The following VDAC1 variants were observed in gnomAD, a reference collection of about 807,000 sequenced individuals.
VDAC1 encodes the protein non-selective voltage-gated ion channel VDAC1.
VDAC1 carries 10 observed loss-of-function variants against 34.7 expected under a neutral mutation model. The observed-to-expected ratio is 0.29, with a 90% CI of 0.18 to 0.49. VDAC1 has a LOEUF of 0.49. Among genes scored for constraint, VDAC1 ranks in the 20% least tolerant of loss-of-function variants. VDAC1 has a pLI of 0.99. For missense variants in VDAC1, 230 were observed against 347.9 expected, an observed-to-expected ratio of 0.66 and a Z score of 2.69; for synonymous variants, 130 against 136.0, an observed-to-expected ratio of 0.96 and a Z score of 0.30.
the VDAC1 span, among the ~76,000 whole-genome samples, chr5:134,058,480 A>AT: frequency 2.6e-5 from 4 of 151,566 alleles, no homozygotes; most frequent in East Asian, 1.9e-4. Flanking sequence ...CACCCGGCTA[A>AT]TTTTTTTTGT....
At chr5:134,047,935 CT>C in the VDAC1 span, among the ~76,000 whole-genome samples, 406 of 143,532 alleles carry the variant, frequency 2.8e-3, no homozygotes, top group East Asian at 0.012. Flanking sequence ...TCATTTTTCT[CT>C]TTTTTTTTTT....
the VDAC1 span, among the ~76,000 whole-genome samples, chr5:134,089,819 G>A: frequency 2.0e-4 from 31 of 152,188 alleles, 2 homozygotes; most frequent in African/African-American, 7.0e-4. Flanking sequence ...GTGAAACCCC[G>A]TCTCTACTAA....
the VDAC1 span, among the ~76,000 whole-genome samples, chr5:134,098,391 A>C: frequency 5.9e-5 from 9 of 151,286 alleles, no homozygotes; most frequent in South Asian, 1.9e-3. Context: ...TGACCGGCTA[A>C]TTTTTGTATT....
At chr5:133,992,406 C>T (rs1481525216) in intron 2 of VDAC1, 51 bp from the exon 3 acceptor site, 2 of 1,435,084 alleles carry the variant, frequency 1.4e-6, no homozygotes, top group African/African-American at 1.5e-5. Flanking sequence ...TAGAGAACAG[C>T]ACCTCTGCCT....
At chr5:134,056,386 G>C in the VDAC1 span, among the ~76,000 whole-genome samples, 1 of 151,636 alleles carries the variant, frequency 6.6e-6, no homozygotes, top group South Asian at 2.1e-4. Flanking sequence ...GAACATTAAG[G>C]CTGTTGCCTT....
chr5:134,038,804 A>T, the VDAC1 span, among the ~76,000 whole-genome samples: 3 of 152,158 alleles, frequency 2.0e-5, no homozygotes, highest in Non-Finnish European at 4.4e-5. Context: ...CAAAACCAGG[A>T]GAGAAAGTCA....
the VDAC1 span, among the ~76,000 whole-genome samples, chr5:134,049,668 C>T: frequency 5.3e-5 from 8 of 152,172 alleles, no homozygotes; most frequent in Admixed American, 5.2e-4. Context: ...CAACCTCCAT[C>T]TCTCAGGTTC....
the VDAC1 span, among the ~76,000 whole-genome samples, chr5:134,025,995 T>C: frequency 6.6e-6 from 1 of 152,102 alleles, no homozygotes; most frequent in Non-Finnish European, 1.5e-5. Context: ...CCACCGAGCC[T>C]GGCCTGGGGG....
chr5:134,011,321 G>C, the VDAC1 span, among the ~76,000 whole-genome samples: 1 of 151,788 alleles, frequency 6.6e-6, no homozygotes, highest in Non-Finnish European at 1.5e-5. Context: ...TTTTTAATGG[G>C]GTTATTTGTT....
upstream of VDAC1, among the ~76,000 whole-genome samples, chr5:134,007,242 CAA>C (rs56702014): frequency 5.0e-5 from 6 of 120,240 alleles, no homozygotes; most frequent in Admixed American, 8.5e-5. Flanking sequence ...GAAACTCTGC[CAA>C]AAAAAAAAAA....
At chr5:134,105,011 T>G in the VDAC1 span, among the ~76,000 whole-genome samples, 3 of 152,180 alleles carry the variant, frequency 2.0e-5, no homozygotes, top group African/African-American at 7.2e-5. Context: ...GCCCCCGCCT[T>G]GGGACAGTGA....
At position 133,975,850 on chromosome 5, in the gene VDAC1, CG is replaced by C; in HGVS notation, c.702+20del. The C allele has an allele frequency of 1.2e-6, 2 of 1,607,370 alleles. No individual in the cohort carries two copies. Among genetic ancestry groups the C allele is most frequent in the Non-Finnish European group, 1.7e-6 (2 of 1,178,052 alleles). ...AGCAGATGGGCCTGCCTGTGAGATG[CG>C]TGATTCCACAGATACCCACCGAGAA... On this transcript the variant is annotated intron_variant, in intron 7 of 8. Coordinates refer to ENST00000265333, the MANE Select transcript of VDAC1 (RefSeq NM_003374.3).
the VDAC1 span, among the ~76,000 whole-genome samples, chr5:134,112,802 C>G: frequency 1.3e-5 from 2 of 152,128 alleles, no homozygotes; most frequent in African/African-American, 4.8e-5. Context: ...CAAAACAAAA[C>G]AAAAAGAACC....
chr5:133,996,362 A>G (rs1008340948), intron 1 of VDAC1, among the ~76,000 whole-genome samples: 1 of 152,178 alleles, frequency 6.6e-6, no homozygotes, highest in Non-Finnish European at 1.5e-5. Context: ...GCTGACCTTG[A>G]ACAAATTATG....
chr5:134,050,467 C>A, the VDAC1 span, among the ~76,000 whole-genome samples: 1 of 152,146 alleles, frequency 6.6e-6, no homozygotes, highest in African/African-American at 2.4e-5. Context: ...TCCAAGCCCC[C>A]CCAGCAACTG....
At chr5:134,053,010 G>A in the VDAC1 span, among the ~76,000 whole-genome samples, 39 of 152,230 alleles carry the variant, frequency 2.6e-4, no homozygotes, top group African/African-American at 9.2e-4. Flanking sequence ...AGCTACCCGG[G>A]AGGCTGAGGC....
chr5:134,099,475 C>T, the VDAC1 span, among the ~76,000 whole-genome samples: 5 of 152,330 alleles, frequency 3.3e-5, no homozygotes, highest in Non-Finnish European at 7.3e-5. Context: ...TGGCGCAGTC[C>T]GGCACAGCTG....
intron 5 of VDAC1, among the ~76,000 whole-genome samples, chr5:133,983,203 G>T (rs1272596999): frequency 1.3e-5 from 2 of 150,188 alleles, no homozygotes; most frequent in African/African-American, 4.9e-5. Flanking sequence ...AGCTGAGATC[G>T]CACCATTGCA....
the VDAC1 span, among the ~76,000 whole-genome samples, chr5:134,028,357 T>C: frequency 6.6e-6 from 1 of 151,976 alleles, no homozygotes. Context: ...GGTCTCGAAC[T>C]CCTGACCTCA....
Sources: gnomAD v4.1 joint callset for allele counts (sites outside exome capture counted in the v4.1 genomes callset) on GRCh38, gnomAD v4.1.1 for gene constraint, MANE v1.5 for transcripts, NCBI Gene and HGNC (gene_info 2026-07-23, HGNC 2026-07-21) for gene names.